TAGLN2: variants seen among roughly 807,000 people sequenced by gnomAD.
TAGLN2 encodes transgelin-2.
TAGLN2 carries 14 observed loss-of-function variants against 24.9 expected under a neutral mutation model. That is an observed-to-expected ratio of 0.56 (90% CI 0.37 to 0.88). The LOEUF (loss-of-function observed/expected upper bound fraction) is 0.88. Among genes scored for constraint, TAGLN2 ranks in the 40% least tolerant of loss-of-function variants. TAGLN2 has a pLI of 0.00. For missense variants in TAGLN2, 208 were observed against 258.9 expected, an observed-to-expected ratio of 0.80 and a Z score of 1.35; for synonymous variants, 77 against 98.2, an observed-to-expected ratio of 0.78 and a Z score of 1.28.
At chr1:159,923,600 T>A in intron 1 of TAGLN2, 1 of 1,003,046 alleles carries the variant, frequency 1.0e-6, no homozygotes, top group Non-Finnish European at 1.4e-6. Context: ...CAGGGAGTGT[T>A]CTCAAAGAGC....
intron 4 of TAGLN2, 95 bp downstream of exon 4, chr1:159,919,179 G>C (rs545595951): frequency 2.1e-4 from 288 of 1,353,104 alleles, no homozygotes; most frequent in Non-Finnish European, 3.0e-4. Flanking sequence ...CTTTGTAAAG[G>C]GCCAGCTGCT....
At chr1:159,920,879 T>C (rs763909278) in intron 1 of TAGLN2, among the ~76,000 whole-genome samples, 4 of 152,154 alleles carry the variant, frequency 2.6e-5, no homozygotes, top group Non-Finnish European at 4.4e-5. Context: ...GTGAAAGAGA[T>C]AGTAGAAGTC....
chr1:159,923,357 T>G (rs1650595916), intron 1 of TAGLN2: 1 of 1,489,976 alleles, frequency 6.7e-7, no homozygotes, highest in Non-Finnish European at 9.1e-7. Context: ...ACCCTCACCC[T>G]GGAGTTACAA....
intron 1 of TAGLN2, chr1:159,923,682 T>G: frequency 2.2e-6 from 1 of 455,722 alleles, no homozygotes; most frequent in Non-Finnish European, 3.9e-6. Context: ...CGGCCCACAA[T>G]TAAGGGAACC....
intron 1 of TAGLN2, among the ~76,000 whole-genome samples, chr1:159,921,023 G>A (rs1650515372): frequency 6.6e-6 from 1 of 152,188 alleles, no homozygotes; most frequent in Admixed American, 6.5e-5. Flanking sequence ...AAGCAGACGG[G>A]CAGAAGCAGC....
rs560537890 is a variant in TAGLN2, at chr1:159,919,317, G to A, written c.415C>T (p.Arg139Ter). 6.2e-6 allele frequency: 10 copies of A among 1,614,144 alleles called. No homozygotes were observed. The highest frequency in any genetic ancestry group is 3.3e-5 in the Admixed American group (2 of 60,028). Residue 139 changes from arginine (R) to a stop codon, truncating the protein, a stop_gained, in exon 4 of 5, where the codon CGA becomes TGA. Transcript: ENST00000368097. LOFTEE classifies it high-confidence loss of function. Reference protein sequence around the residue: ...LMNLGGLAVARDDGLFSGDPN... With the variant: ...LMNLGGLAVA ...TCCCCAGAGAAGAGCCCATCATCTCGGGCTACTGCCAGCCCACCCAGATTC... is the reference window on the plus strand; with the variant it reads ...TCCCCAGAGAAGAGCCCATCATCTCAGGCTACTGCCAGCCCACCCAGATTC...
In TAGLN2 at chr1:159,919,844, G is replaced by A; in HGVS notation, c.181-9C>T. ...ATGAGCTCACATAGCACCTGGATGAGGACAGCAGGGGTGGAAAGGTGAGAA... is the reference window on the plus strand; with the variant it reads ...ATGAGCTCACATAGCACCTGGATGAAGACAGCAGGGGTGGAAAGGTGAGAA... On this transcript the variant is annotated splice_polypyrimidine_tract_variant and intron_variant, in intron 2 of 4. Transcript: ENST00000368097. 3.1e-6 allele frequency: 5 copies of A among 1,611,438 alleles called. No homozygotes were observed. Among genetic ancestry groups the A allele is most frequent in the Non-Finnish European group, 4.2e-6 (5 of 1,177,842 alleles).
At chr1:159,923,681 A>G (rs924683705) in intron 1 of TAGLN2, 3 of 453,934 alleles carry the variant, frequency 6.6e-6, no homozygotes, top group East Asian at 3.7e-5. Flanking sequence ...GCGGCCCACA[A>G]TTAAGGGAAC....
At position 159,919,735 on chromosome 1, in the gene TAGLN2, G is replaced by C; in HGVS notation, c.281C>G (p.Ser94Cys). The C allele has an allele frequency of 3.1e-6, 5 of 1,613,974 alleles. No individual in the cohort carries two copies. The highest frequency in any genetic ancestry group is 3.4e-6 in the Non-Finnish European group (4 of 1,179,940). The change falls in exon 3 of 5, where the codon TCT (serine) becomes TGT (cysteine). Residue 94 changes from serine (S) to cysteine (C), a missense_variant. Coordinates refer to ENST00000368097, the MANE Select transcript of TAGLN2 (RefSeq NM_003564.3). The stretch of plus-strand genomic sequence containing the variant: ...GCGCTCAGCTGCTTGCAGGAACTGA[G>C]AGATCTGCTCCATCTGCTTGAAGGC... The part of the protein sequence containing the change: ...TMAFKQMEQI[S>C]QFLQAAERYG...
chr1:159,923,064 C>G (rs1429986641), intron 1 of TAGLN2, among the ~76,000 whole-genome samples: 1 of 152,280 alleles, frequency 6.6e-6, no homozygotes, highest in Non-Finnish European at 1.5e-5. Flanking sequence ...CTCTTCCCCA[C>G]CCCCACGGGC....
rs199842829 is a variant in TAGLN2 at position 159,920,365 on chromosome 1, G to T, written c.145C>A (p.Arg49Ser). 26 of 1,614,112 alleles carry T rather than the reference G, an allele frequency of 1.6e-5. No homozygotes were observed. The highest frequency in any genetic ancestry group is 1.7e-5 in the Non-Finnish European group (20 of 1,180,060). Residue 49 changes from arginine to serine, a missense_variant, in exon 2 of 5, where the codon CGC becomes AGC. Transcript: ENST00000368097. ...RKDVGRPQPG[R>S]ENFQNWLKDG... is the part of the protein sequence containing the mutation. ...TTGAGCCAGTTCTGGAAGTTCTCGC[G>T]TCCAGGCTGGGGCCGGCCCACATCC...
In TAGLN2 at chr1:159,918,388, A is replaced by G. The variant is rs146132606; in HGVS notation, c.*412T>C. The G allele has an allele frequency of 8.0e-3, 1,296 of 162,044 alleles. 18 individuals carry two copies. The highest frequency in any genetic ancestry group is 0.029 in the African/African-American group (1,229 of 41,808). The allele number at this position is 162,044 out of a possible 1,614,324, so 10.0% of individuals were successfully genotyped here. On this transcript the variant is annotated 3_prime_UTR_variant, in exon 5 of 5. Coordinates refer to ENST00000368097, the MANE Select transcript of TAGLN2 (RefSeq NM_003564.3). ...ACAGCTGTGGGAGAAGCATACTTGT[A>G]GAAGCAAGGCCAGTCCAGCATCAGA...
intron 3 of TAGLN2, 30 bp downstream of exon 3, chr1:159,919,631 G>A: frequency 6.2e-7 from 1 of 1,605,940 alleles, no homozygotes; most frequent in Non-Finnish European, 8.5e-7. Flanking sequence ...CCTCCTGGAT[G>A]ACAGGACCCA....
chr1:159,923,384 A>T, intron 1 of TAGLN2: 3 of 1,537,536 alleles, frequency 2.0e-6, no homozygotes, highest in Non-Finnish European at 2.6e-6. Context: ...GGAAACGGGG[A>T]GGGGCCACGC....
At chr1:159,922,098 C>G (rs911681885) in intron 1 of TAGLN2, among the ~76,000 whole-genome samples, 1 of 152,230 alleles carries the variant, frequency 6.6e-6, no homozygotes, top group Non-Finnish European at 1.5e-5. Context: ...CCAGCTCCCC[C>G]TCTCCCACAC....
chr1:159,918,549 T>G lies in TAGLN2; in HGVS notation c.*251A>C. 1 of 466,564 alleles carries G rather than the reference T, an allele frequency of 2.1e-6. No homozygotes were observed. Among genetic ancestry groups the G allele is most frequent in the Non-Finnish European group, 3.8e-6 (1 of 263,348 alleles). 28.9% of individuals were successfully genotyped at this position (466,564 alleles called of 1,614,324 possible). A position where few individuals can be genotyped will look rare whatever the true frequency, so the allele number is the denominator to read the frequency against. On this transcript the variant is annotated 3_prime_UTR_variant, in exon 5 of 5. Coordinates refer to ENST00000368097, the MANE Select transcript of TAGLN2 (RefSeq NM_003564.3). ...GCGGTGAGGGACTGAGGCCCCTAAA[T>G]TTTGGTCCCAGGGGAAAGGAAGAGG...
At position 159,919,455 on chromosome 1, in the gene TAGLN2, G is replaced by GGCCT. The variant is rs1334786119; in HGVS notation, c.356-83_356-80dup. ...TTCCGCCTCTATCGCTAAGTCAGCA[G>GGCCT]GCCTGGCTTCCTAATTATTTCTACT... On this transcript the variant is annotated intron_variant, in intron 3 of 4. Transcript: ENST00000368097. 2.0e-6 allele frequency: 3 copies of GGCCT among 1,474,082 alleles called. No homozygotes were observed. The African/African-American group carries it at 4.2e-5, about 20-fold the overall frequency. 91.3% of individuals were successfully genotyped at this position (1,474,082 alleles called of 1,614,324 possible).
rs1650648521 is a variant in TAGLN2, at chr1:159,924,769, TA to T, written c.-29+680del. 2.0e-5 allele frequency among the ~76,000 whole-genome samples: 3 copies of T among 151,878 alleles called. No homozygotes were observed. In the South Asian group the frequency reaches 6.3e-4, roughly 32 times the overall value. On this transcript the variant is annotated intron_variant, in intron 1 of 4. Coordinates refer to ENST00000368097, the MANE Select transcript of TAGLN2 (RefSeq NM_003564.3). Reference sequence around the variant, plus strand: ...TGGGGGCAGCGGCGCTCGGGCAGGGTAAAAGCAGCCACCACCACCCCCACAA... The same window carrying T: ...TGGGGGCAGCGGCGCTCGGGCAGGGTAAAGCAGCCACCACCACCCCCACAA...
chr1:159,920,300 A>G (rs776119834), intron 2 of TAGLN2, 30 bp downstream of exon 2: 3 of 1,614,142 alleles, frequency 1.9e-6, no homozygotes, highest in South Asian at 1.1e-5. Context: ...CTCTCCCTGC[A>G]CTTCCAAGCC....
Sources: gnomAD v4.1 joint callset for allele counts (sites outside exome capture counted in the v4.1 genomes callset) on GRCh38, gnomAD v4.1.1 for gene constraint, MANE v1.5 for transcripts, NCBI Gene and HGNC (gene_info 2026-07-23, HGNC 2026-07-21) for gene names.